OPRM1: variants seen among roughly 807,000 people sequenced by gnomAD.
OPRM1 encodes the protein opioid receptor mu 1.
A neutral mutation model predicts 31.8 loss-of-function variants in OPRM1; 27 were observed. The ratio of observed to expected loss-of-function variants is 0.85; its 90% CI spans 0.63 to 1.17. OPRM1 has a LOEUF of 1.17. OPRM1 is among the 50% of genes most tolerant of loss of function. The probability of loss-of-function intolerance (pLI) is 0.00; values close to 1 mark genes in which losing one functional copy is unlikely to be tolerated. For missense variants in OPRM1, 536 were observed against 511.1 expected (o/e 1.05, Z -0.47); for synonymous variants, 196 against 189.9 (o/e 1.03, Z -0.26).
At chr6:154,224,621 G>A in intron 3 of OPRM1, among the ~76,000 whole-genome samples, 1 of 152,118 alleles carries the variant, frequency 6.6e-6, no homozygotes, top group Non-Finnish European at 1.5e-5. Context: ...TGAGGCAGGA[G>A]GTTAGCTTGA....
intron 3 of OPRM1, chr6:154,155,611 A>C (rs1428765209): frequency 6.6e-6 from 1 of 152,150 alleles, no homozygotes; most frequent in East Asian, 1.9e-4. Flanking sequence ...AGCCTGGGCA[A>C]CATGGTAAAC....
chr6:154,056,349 C>G (rs1485267137), intron 1 of OPRM1, among the ~76,000 whole-genome samples: 2 of 151,920 alleles, frequency 1.3e-5, no homozygotes, highest in Non-Finnish European at 2.9e-5. Flanking sequence ...GTCTTGATCT[C>G]TTGACCTCAT....
intron 2 of OPRM1, among the ~76,000 whole-genome samples, chr6:154,090,655 A>G (rs1791892761): frequency 6.6e-6 from 1 of 152,244 alleles, no homozygotes; most frequent in South Asian, 2.1e-4. Context: ...TTTTATATCA[A>G]TATAGACCTC....
intron 3 of OPRM1, among the ~76,000 whole-genome samples, chr6:154,115,550 A>G (rs1189159349): frequency 6.6e-6 from 1 of 152,014 alleles, no homozygotes; most frequent in Non-Finnish European, 1.5e-5. Context: ...AAAAGAAAAA[A>G]AGAGAGAGAG....
At chr6:154,062,542 T>C (rs1784621749) in intron 1 of OPRM1, among the ~76,000 whole-genome samples, 3 of 152,032 alleles carry the variant, frequency 2.0e-5, no homozygotes, top group Admixed American at 1.3e-4. Flanking sequence ...GAAAGGAAAA[T>C]ACCTTCCAAA....
At chr6:154,208,159 A>C (rs61307239) in intron 3 of OPRM1, among the ~76,000 whole-genome samples, 8,312 of 152,176 alleles carry the variant, frequency 0.055, 315 homozygotes, top group East Asian at 0.2. Flanking sequence ...AAAGTCCTTA[A>C]CTGGCCCATA....
rs781240498 is a variant in OPRM1, at chr6:154,214,323, C to A, written c.1165-32370C>A. On this transcript the variant is annotated intron_variant, in intron 3 of 3. Transcript: ENST00000337049. ...AATGTTGACCAAAGAGATTAGCCCC[C>A]CACCCATTCACCTTCCCCCAGAGTT... The A allele has an allele frequency of 9.3e-6, 12 of 1,287,820 alleles. No individual in the cohort carries two copies. In the East Asian group the frequency reaches 2.5e-4, roughly 27 times the overall value. The allele number at this position is 1,287,820 out of a possible 1,614,324, so 79.8% of individuals were successfully genotyped here. A position where few individuals can be genotyped will look rare whatever the true frequency, so the allele number is the denominator to read the frequency against.
intron 3 of OPRM1, among the ~76,000 whole-genome samples, chr6:154,104,206 G>A (rs1441153617): frequency 3.3e-5 from 5 of 152,180 alleles, no homozygotes; most frequent in African/African-American, 4.8e-5. Flanking sequence ...TCAGTATGGC[G>A]AGGGCCATTC....
At chr6:154,093,645 G>C in intron 3 of OPRM1, 1 of 1,017,320 alleles carries the variant, frequency 9.8e-7, no homozygotes. Context: ...CTATGAAGCA[G>C]TATCAGTGTA....
intron 3 of OPRM1, among the ~76,000 whole-genome samples, chr6:154,099,840 A>T (rs1213462988): frequency 2.1e-5 from 3 of 146,284 alleles, no homozygotes; most frequent in Non-Finnish European, 3.0e-5. Context: ...TCATATCAGG[A>T]TATATCATAA....
chr6:154,233,934 C>A (rs749892786), intron 3 of OPRM1, among the ~76,000 whole-genome samples: 1 of 152,128 alleles, frequency 6.6e-6, no homozygotes, highest in Non-Finnish European at 1.5e-5. Context: ...CTAGGCCGGA[C>A]GCCGTGGCTC....
chr6:154,045,273 G>A (rs1238802722), intron 1 of OPRM1, among the ~76,000 whole-genome samples: 1 of 151,924 alleles, frequency 6.6e-6, no homozygotes, highest in Non-Finnish European at 1.5e-5. Context: ...TAAATACCAA[G>A]ACTAAATGGT....
In OPRM1 at chr6:154,132,043, T is replaced by A. The variant is rs572258142; in HGVS notation, c.*13322T>A. On this transcript the variant is annotated 3_prime_UTR_variant, in exon 4 of 4. Coordinates refer to ENST00000330432, the MANE Select transcript of OPRM1 (RefSeq NM_000914.5). Reference sequence around the variant, plus strand: ...TCATTTAAAGTAGAGACAAAGCTACTATTTCACATTTCCAGGTAGGACAGG... The same window carrying A: ...TCATTTAAAGTAGAGACAAAGCTACAATTTCACATTTCCAGGTAGGACAGG... 9.2e-5 allele frequency among the ~76,000 whole-genome samples: 14 copies of A among 151,924 alleles called. No individual in the cohort carries two copies. Among genetic ancestry groups the A allele is most frequent in the African/African-American group, 3.4e-4 (14 of 41,468 alleles).
At position 154,129,090 on chromosome 6, in the gene OPRM1, G is replaced by C. The variant is rs909183181; in HGVS notation, c.*10369G>C. Among the ~76,000 whole-genome samples, 1 of 152,084 alleles carries C rather than the reference G, an allele frequency of 6.6e-6. No individual in the cohort carries two copies. The highest frequency in any genetic ancestry group is 2.1e-4 in the South Asian group (1 of 4,826). On this transcript the variant is annotated 3_prime_UTR_variant, in exon 4 of 4. Coordinates refer to ENST00000330432, the MANE Select transcript of OPRM1 (RefSeq NM_000914.5). Reference sequence around the variant, plus strand: ...AGGGCTTTATTCAGCTGGGAGCATCGACCAGCTACTGTCTCAAAATCCAAG... The same window carrying C: ...AGGGCTTTATTCAGCTGGGAGCATCCACCAGCTACTGTCTCAAAATCCAAG...
Position 154,168,199 on chromosome 6 carries a change from C to CG in OPRM1, c.1164+76729dup. 2.1e-6 allele frequency: 2 copies of CG among 967,102 alleles called. No individual in the cohort carries two copies. The highest frequency in any genetic ancestry group is 3.0e-6 in the Non-Finnish European group (2 of 667,114). 59.9% of individuals were successfully genotyped at this position (967,102 alleles called of 1,614,324 possible). On this transcript the variant is annotated intron_variant, in intron 3 of 3. Transcript: ENST00000337049. This position sits in a 1 kb window ranked among gnomAD's most constrained non-coding sequence, Gnocchi z 4.1. ...CATTCAATACTGTGGTCCCAAGGCA[C>CG]GGCCCCACTGGCACCCTCATCTCAG...
chr6:154,203,388 A>T lies in OPRM1; in HGVS notation c.1165-43305A>T, dbSNP rs373909618. ...GGAATGTCATTTTGTGTATCAACTTACACAGTTGTCCCTTGAACAGTAGGG... is the reference window on the plus strand; with the variant it reads ...GGAATGTCATTTTGTGTATCAACTTTCACAGTTGTCCCTTGAACAGTAGGG... On this transcript the variant is annotated intron_variant, in intron 3 of 3. Coordinates refer to the OPRM1 transcript ENST00000337049. 2.0e-5 allele frequency among the ~76,000 whole-genome samples: 3 copies of T among 152,292 alleles called. No homozygotes were observed. The South Asian group carries it at 6.2e-4, about 32-fold the overall frequency.
intron 3 of OPRM1, among the ~76,000 whole-genome samples, chr6:154,114,647 C>G (rs1796677707): frequency 6.6e-6 from 1 of 152,080 alleles, no homozygotes; most frequent in Non-Finnish European, 1.5e-5. Context: ...CAGGTGCTAT[C>G]ACAGGGAATT....
intron 1 of OPRM1, among the ~76,000 whole-genome samples, chr6:154,049,907 C>A (rs1330350554): frequency 6.6e-6 from 1 of 152,146 alleles, no homozygotes. Flanking sequence ...ATTCTGTTTG[C>A]TAGTATTATG....
intron 3 of OPRM1, among the ~76,000 whole-genome samples, chr6:154,109,641 A>G (rs1051088216): frequency 2.0e-5 from 3 of 152,192 alleles, no homozygotes; most frequent in Non-Finnish European, 4.4e-5. Context: ...TGAAATGCTA[A>G]TGGTGGTCCG....
Sources: gnomAD v4.1 joint callset for allele counts (sites outside exome capture counted in the v4.1 genomes callset) on GRCh38, gnomAD v4.1.1 for gene constraint, Gnocchi (gnomAD v3.1) non-coding constraint, MANE v1.5 for transcripts, NCBI Gene and HGNC (gene_info 2026-07-23, HGNC 2026-07-21) for gene names.